The following ADARB2 variants were observed in gnomAD, a reference collection of about 807,000 sequenced individuals.
ADARB2 encodes the protein adenosine deaminase RNA specific B2 (inactive), also known as inactive double-stranded RNA-specific editase B2.
ADARB2 carries 25 observed loss-of-function variants against 62.2 expected under a neutral mutation model. The observed-to-expected ratio is 0.40, with a 90% CI of 0.29 to 0.56. The LOEUF (loss-of-function observed/expected upper bound fraction) is 0.56, where lower values mean the gene tolerates loss of function less well. Among genes scored for constraint, ADARB2 ranks in the 20% least tolerant of loss-of-function variants. The pLI is 0.43. For synonymous variants in ADARB2, 572 were observed against 500.8 expected (o/e 1.14, Z -1.90); for missense variants, 1,071 against 1,077.4 (o/e 0.99, Z 0.08).
At chr10:1,326,732 T>C (rs117663150) in intron 3 of ADARB2, among the ~76,000 whole-genome samples, 2,696 of 92,730 alleles carry the variant, frequency 0.029, 62 homozygotes, top group East Asian at 0.14. Flanking sequence ...CGCCTCCCCA[T>C]GGCACGGCGC....
chr10:1,718,522 GTC>G (rs1375608560), intron 1 of ADARB2, among the ~76,000 whole-genome samples: 1 of 152,212 alleles, frequency 6.6e-6, no homozygotes, highest in Non-Finnish European at 1.5e-5. Context: ...CCACAATCGA[GTC>G]TCTCTGCAAA....
At chr10:1,429,882 C>G (rs182841549) in intron 1 of ADARB2, among the ~76,000 whole-genome samples, 22 of 152,214 alleles carry the variant, frequency 1.4e-4, no homozygotes, top group Non-Finnish European at 3.2e-4. Context: ...TTACTCCTCT[C>G]TCCTCCCCTC....
intron 5 of ADARB2, among the ~76,000 whole-genome samples, chr10:1,241,140 AC>A (rs2131776332): frequency 6.6e-6 from 1 of 152,180 alleles, no homozygotes; most frequent in South Asian, 2.1e-4. Context: ...ACGCCTGTAG[AC>A]CCAGCTACTC....
intron 3 of ADARB2, among the ~76,000 whole-genome samples, chr10:1,358,915 G>A (rs1365776156): frequency 6.6e-6 from 1 of 152,134 alleles, no homozygotes; most frequent in Non-Finnish European, 1.5e-5. Flanking sequence ...TATTTTTACT[G>A]GCATTATAGT....
intron 1 of ADARB2, among the ~76,000 whole-genome samples, chr10:1,511,916 C>T (rs1831941411): frequency 1.3e-5 from 2 of 151,454 alleles, no homozygotes; most frequent in South Asian, 2.1e-4. Context: ...GCTGTCTACA[C>T]TGGATACCAA....
At chr10:1,615,826 C>T (rs576726810) in intron 1 of ADARB2, among the ~76,000 whole-genome samples, 5 of 152,348 alleles carry the variant, frequency 3.3e-5, no homozygotes, top group South Asian at 4.1e-4. Context: ...TCCCTCCCTT[C>T]GGAAAGTGGG....
intron 8 of ADARB2, among the ~76,000 whole-genome samples, chr10:1,191,485 G>A (rs985297846): frequency 3.3e-5 from 5 of 152,174 alleles, no homozygotes; most frequent in South Asian, 4.1e-4. Context: ...CGGGCCCCAC[G>A]TTTTTTTAGT....
At chr10:1,685,423 T>C (rs1216048196) in intron 1 of ADARB2, among the ~76,000 whole-genome samples, 1 of 152,216 alleles carries the variant, frequency 6.6e-6, no homozygotes, top group Admixed American at 6.5e-5. Context: ...TTCTCTTTCC[T>C]GTGCCTTGTA....
intron 1 of ADARB2, among the ~76,000 whole-genome samples, chr10:1,417,162 G>A (rs1243253769): frequency 2.0e-5 from 3 of 151,122 alleles, no homozygotes; most frequent in Admixed American, 6.8e-5. Flanking sequence ...GCCAGGAAGT[G>A]TTGACTAGAT....
chr10:1,663,850 T>C (rs1037840697), intron 1 of ADARB2, among the ~76,000 whole-genome samples: 2 of 152,150 alleles, frequency 1.3e-5, no homozygotes, highest in African/African-American at 4.8e-5. Flanking sequence ...ACTCCTGGCT[T>C]CAGGTGATCT....
chr10:1,544,947 AG>A (rs1732386389), intron 1 of ADARB2, among the ~76,000 whole-genome samples: 1 of 150,770 alleles, frequency 6.6e-6, no homozygotes, highest in Non-Finnish European at 1.5e-5. Flanking sequence ...AGTCTATAAT[AG>A]CAAAGTATAC....
intron 1 of ADARB2, among the ~76,000 whole-genome samples, chr10:1,461,515 T>TATATA (rs57405588): frequency 5.3e-5 from 8 of 150,108 alleles, no homozygotes; most frequent in African/African-American, 1.5e-4. Context: ...TGCATATATA[T>TATATA]TTTTTTTTTT....
intron 1 of ADARB2, among the ~76,000 whole-genome samples, chr10:1,496,596 T>G (rs998989783): frequency 5.9e-5 from 9 of 152,092 alleles, no homozygotes; most frequent in Admixed American, 5.9e-4. Context: ...TTGATGATAC[T>G]AATCAATCTA....
At chr10:1,387,369 C>T (rs185716581) in intron 1 of ADARB2, among the ~76,000 whole-genome samples, 7 of 151,716 alleles carry the variant, frequency 4.6e-5, no homozygotes, top group African/African-American at 1.7e-4. Flanking sequence ...TTAGATTAAT[C>T]ATGAAAAAGG....
At chr10:1,347,665 C>A (rs1250164838) in intron 3 of ADARB2, among the ~76,000 whole-genome samples, 1 of 152,192 alleles carries the variant, frequency 6.6e-6, no homozygotes, top group Non-Finnish European at 1.5e-5. Flanking sequence ...CTCAGTAAGA[C>A]CACGGGTGCC....
intron 6 of ADARB2, among the ~76,000 whole-genome samples, chr10:1,224,339 T>C (rs1237465413): frequency 2.6e-5 from 4 of 151,474 alleles, no homozygotes; most frequent in Admixed American, 6.6e-5. Context: ...GTCTTGCTAG[T>C]GGTCTATCAC....
chr10:1,676,633 A>G (rs1439912776), intron 1 of ADARB2, among the ~76,000 whole-genome samples: 1 of 152,164 alleles, frequency 6.6e-6, no homozygotes, highest in East Asian at 1.9e-4. Flanking sequence ...CTGGGACTAC[A>G]GGCACCACCA....
intron 1 of ADARB2, among the ~76,000 whole-genome samples, chr10:1,600,701 A>G (rs1833400733): frequency 6.6e-6 from 1 of 150,978 alleles, no homozygotes; most frequent in South Asian, 2.1e-4. Flanking sequence ...GTGTTACCAG[A>G]AAGGACACTA....
intron 3 of ADARB2, among the ~76,000 whole-genome samples, chr10:1,315,676 G>A (rs1403763997): frequency 6.6e-6 from 1 of 152,218 alleles, no homozygotes; most frequent in African/African-American, 2.4e-5. Flanking sequence ...CCCTATGCAG[G>A]TGAAGACGCC....
Sources: allele counts gnomAD v4.1 joint callset (sites outside exome capture counted in the v4.1 genomes callset), GRCh38; gene constraint gnomAD v4.1.1; transcripts MANE v1.5; gene names NCBI Gene and HGNC (gene_info 2026-07-23, HGNC 2026-07-21).